ACOX2: variants seen among roughly 807,000 people sequenced by gnomAD.
ACOX2 encodes acyl-CoA oxidase 2, also known as peroxisomal acyl-coenzyme A oxidase 2.
A neutral mutation model predicts 77.5 loss-of-function variants in ACOX2; 59 were observed. The observed-to-expected ratio is 0.76, with a 90% CI of 0.62 to 0.95. The LOEUF (loss-of-function observed/expected upper bound fraction) is 0.95. Among genes scored for constraint, ACOX2 ranks in the 40% least tolerant of loss-of-function variants. The pLI, the probability that ACOX2 is intolerant of heterozygous loss-of-function variation, is 0.00. For missense variants in ACOX2, 837 were observed against 880.4 expected, an observed-to-expected ratio of 0.95 and a Z score of 0.62; for synonymous variants, 317 against 340.1, an observed-to-expected ratio of 0.93 and a Z score of 0.75.
chr3:58,532,959 G>A (rs1356004622), intron 5 of ACOX2, among the ~76,000 whole-genome samples: 1 of 152,168 alleles, frequency 6.6e-6, no homozygotes, highest in Non-Finnish European at 1.5e-5. Context: ...GAGGTACGGC[G>A]TTGGTGGCCT....
chr3:58,528,859 G>C lies in ACOX2; in HGVS notation c.1090C>G (p.Leu364Val), dbSNP rs145470450. 9.1e-5 allele frequency: 147 copies of C among 1,613,808 alleles called. No homozygotes were observed. The highest frequency in any genetic ancestry group is 1.2e-4 in the Non-Finnish European group (141 of 1,179,920). Reference sequence around the variant, plus strand: ...TAGGAGTGCTGGAAGAACTCCAAGAGGCTGACTGCCAGGAAATGGAAGGCA... The same window carrying C: ...TAGGAGTGCTGGAAGAACTCCAAGACGCTGACTGCCAGGAAATGGAAGGCA... ...SYAFHFLAVS[L>V]LEFFQHSYTA... The change falls in exon 9 of 15, where the codon CTC becomes GTC. Residue 364 changes from leucine to valine, a missense_variant. Transcript: ENST00000302819. The surrounding 1 kb of genome is among the most constrained non-coding windows in gnomAD (Gnocchi z 5.6).
rs368058851 is a variant in ACOX2, at chr3:58,515,025, CT to C, written c.1850+2180del. 4.4e-3 allele frequency among the ~76,000 whole-genome samples: 650 copies of C among 147,652 alleles called. 3 individuals are homozygous for C. Among genetic ancestry groups the C allele is most frequent in the African/African-American group, 0.015 (590 of 40,522 alleles). ...GTTTTTGATGATTTAACTGAACAAA[CT>C]TTTTTTTTTTTCTTGAGATGGAGTC... On this transcript the variant is annotated intron_variant, in intron 13 of 14. Coordinates refer to ENST00000302819, the MANE Select transcript of ACOX2 (RefSeq NM_003500.4). This position sits in a 1 kb window ranked among gnomAD's most constrained non-coding sequence, Gnocchi z 4.0.
chr3:58,517,535 G>A (rs776765942), intron 12 of ACOX2, 112 bp from the exon 13 acceptor site: 24 of 890,392 alleles, frequency 2.7e-5, no homozygotes, highest in Admixed American at 2.0e-4. Flanking sequence ...GTGCTTCCCA[G>A]CAGGCTGATG....
rs998906675 is a variant in ACOX2, at chr3:58,523,657, G to A, written c.1526+769C>T. 4.6e-5 allele frequency among the ~76,000 whole-genome samples: 7 copies of A among 151,326 alleles called. No homozygotes were observed. Among genetic ancestry groups the A allele is most frequent in the Admixed American group, 2.0e-4 (3 of 15,146 alleles). On this transcript the variant is annotated intron_variant, in intron 11 of 14. Transcript: ENST00000302819. The surrounding 1 kb of genome is among the most constrained non-coding windows in gnomAD (Gnocchi z 5.3). ...AGAGGTGGGGTTTCACCATGTTGCC[G>A]AAGCTGGTCTCAAACTCCTGAGCTC...
At position 58,523,313 on chromosome 3, in the gene ACOX2, G is replaced by A. The variant is rs1427305851; in HGVS notation, c.1527-712C>T. On this transcript the variant is annotated intron_variant, in intron 11 of 14. Transcript: ENST00000302819. The surrounding 1 kb of genome is among the most constrained non-coding windows in gnomAD (Gnocchi z 5.3). ...AATACCATGACACTTTAATCACCTC[G>A]AGCAGCCTTATCTTCCCCTCCTCAA... 6.6e-6 allele frequency among the ~76,000 whole-genome samples: 1 copy of A among 152,122 alleles called. No individual in the cohort carries two copies. Among genetic ancestry groups the A allele is most frequent in the African/African-American group, 2.4e-5 (1 of 41,414 alleles).
chr3:58,508,890 T>C lies in ACOX2; in HGVS notation c.1983+3A>G, dbSNP rs771014585. The C allele has an allele frequency of 6.2e-7, 1 of 1,614,122 alleles. No homozygotes were observed. Among genetic ancestry groups the C allele is most frequent in the South Asian group, 1.1e-5 (1 of 91,088 alleles). On this transcript the variant is annotated splice_donor_region_variant and intron_variant, in intron 14 of 14. Transcript: ENST00000302819. ...TAATTTATAATGTGTTCCACTCAAC[T>C]ACCTGAGTATTGGTTGGTGACTTCT...
rs765676813 is a variant in ACOX2 at position 58,534,521 on chromosome 3, C to T, written c.162G>A (p.Glu54=). ...ACTCCGGGTAACTGTGGATGATGCTCTCTGCAGAGGACAGAGAACAGAGGG... is the reference window on the plus strand; with the variant it reads ...ACTCCGGGTAACTGTGGATGATGCTTTCTGCAGAGGACAGAGAACAGAGGG... ...AQNTALRRKV[E]SIIHSYPEFS... is the part of the protein sequence containing the mutation. Residue 54 remains glutamate (E), a splice_region_variant and synonymous_variant, in exon 3 of 15, where the codon GAG becomes GAA. Coordinates refer to ENST00000302819, the MANE Select transcript of ACOX2 (RefSeq NM_003500.4). This position sits in a 1 kb window ranked among gnomAD's most constrained non-coding sequence, Gnocchi z 4.8. The T allele has an allele frequency of 1.2e-6, 2 of 1,614,216 alleles. No homozygotes were observed. The highest frequency in any genetic ancestry group is 1.7e-6 in the Non-Finnish European group (2 of 1,180,044).
At chr3:58,511,531 A>G (rs2063287937) in intron 13 of ACOX2, 1 of 187,044 alleles carries the variant, frequency 5.3e-6, no homozygotes, top group African/African-American at 2.4e-5. Context: ...GCAAAAGCTT[A>G]TAACTGCAAT....
intron 14 of ACOX2, among the ~76,000 whole-genome samples, chr3:58,508,370 T>C (rs1440532856): frequency 1.3e-5 from 2 of 152,158 alleles, no homozygotes; most frequent in Non-Finnish European, 1.5e-5. Flanking sequence ...TGCAGCAGCT[T>C]TCTTTGCTCC....
rs778230290 is a variant in ACOX2, at chr3:58,528,975, G to C, written c.993-19C>G. 5 of 1,598,310 alleles carry C rather than the reference G, an allele frequency of 3.1e-6. No homozygotes were observed. In the East Asian group the frequency reaches 1.1e-4, roughly 36 times the overall value. Reference sequence around the variant, plus strand: ...TGGGTCACTGAAGGGAAAAGAACCAGAAGATTTAGATCACTACCTGTTGTG... The same window carrying C: ...TGGGTCACTGAAGGGAAAAGAACCACAAGATTTAGATCACTACCTGTTGTG... On this transcript the variant is annotated intron_variant, in intron 8 of 14. Coordinates refer to ENST00000302819, the MANE Select transcript of ACOX2 (RefSeq NM_003500.4). The surrounding 1 kb of genome is among the most constrained non-coding windows in gnomAD (Gnocchi z 5.6).
At chr3:58,511,353 G>A (rs1158429183) in intron 13 of ACOX2, 3 of 366,140 alleles carry the variant, frequency 8.2e-6, no homozygotes, top group South Asian at 2.4e-5. Flanking sequence ...GCTGGTCCTG[G>A]CTGGATGCTA....
Position 58,505,637 on chromosome 3 carries a change from A to T in ACOX2, c.1984-351T>A, listed in dbSNP as rs534383530. Among the ~76,000 whole-genome samples the T allele has an allele frequency of 6.6e-5, 10 of 152,346 alleles. No individual in the cohort carries two copies. The highest frequency in any genetic ancestry group is 2.4e-4 in the African/African-American group (10 of 41,574). ...GGAACCAGATAGGGATCATATAAGC[A>T]GTATTCTAGGTCCGACTAGGTTATC... On this transcript the variant is annotated intron_variant, in intron 14 of 14. Coordinates refer to ENST00000302819, the MANE Select transcript of ACOX2 (RefSeq NM_003500.4). The surrounding 1 kb of genome is among the most constrained non-coding windows in gnomAD (Gnocchi z 4.4).
intron 14 of ACOX2, among the ~76,000 whole-genome samples, chr3:58,508,559 T>A (rs2063251139): frequency 6.6e-6 from 1 of 152,210 alleles, no homozygotes. Context: ...TTTATCTCCT[T>A]CTTTTTGTTA....
rs1458422195 is a variant in ACOX2, at chr3:58,522,105, G to A, written c.1632+391C>T. ...GTTGAGCACCCAGGTCAGTGCCCAG[G>A]GCAGAGTGGGTGCTCAAATATTTGC... On this transcript the variant is annotated intron_variant, in intron 12 of 14. Coordinates refer to ENST00000302819, the MANE Select transcript of ACOX2 (RefSeq NM_003500.4). The surrounding 1 kb of genome is among the most constrained non-coding windows in gnomAD (Gnocchi z 4.3). Among the ~76,000 whole-genome samples, 2 of 152,176 alleles carry A rather than the reference G, an allele frequency of 1.3e-5. No individual in the cohort carries two copies. Among genetic ancestry groups the A allele is most frequent in the African/African-American group, 4.8e-5 (2 of 41,438 alleles).
At chr3:58,527,173 T>G (rs13434020) in intron 9 of ACOX2, among the ~76,000 whole-genome samples, 37,113 of 151,614 alleles carry the variant, frequency 0.24, 8,355 homozygotes, top group African/African-American at 0.6. Flanking sequence ...GTAGTAGGAG[T>G]TGGGGCCTTC....
At chr3:58,517,618 G>T (rs567371140) in intron 12 of ACOX2, among the ~76,000 whole-genome samples, 195 bp from the exon 13 acceptor site, 144 of 149,398 alleles carry the variant, frequency 9.6e-4, no homozygotes, top group African/African-American at 3.5e-3. Flanking sequence ...TGTGTTGGGG[G>T]GGGGAGCGGG....
At chr3:58,509,762 T>C (rs1347833813) in intron 13 of ACOX2, among the ~76,000 whole-genome samples, 9 of 151,436 alleles carry the variant, frequency 5.9e-5, no homozygotes. Context: ...CCTGCCACCA[T>C]GCCTGGCTGA....
chr3:58,520,133 G>C (rs1402805874), intron 12 of ACOX2, among the ~76,000 whole-genome samples: 1 of 152,230 alleles, frequency 6.6e-6, no homozygotes, highest in African/African-American at 2.4e-5. Context: ...TGTCTAATTT[G>C]GGGGTGGGGG....
rs1383617655 is a variant in ACOX2, at chr3:58,519,657, C to A, written c.1633-2234G>T. 2.0e-5 allele frequency among the ~76,000 whole-genome samples: 3 copies of A among 152,154 alleles called. No homozygotes were observed. The highest frequency in any genetic ancestry group is 4.4e-5 in the Non-Finnish European group (3 of 68,024). On this transcript the variant is annotated intron_variant, in intron 12 of 14. Transcript: ENST00000302819. The surrounding 1 kb of genome is among the most constrained non-coding windows in gnomAD (Gnocchi z 5.0). ...GCTCTGTGGGACTGGGAGTCTTCAG[C>A]TGGGCAGTGACCCGATCCGCTTTCT...
Sources: allele counts gnomAD v4.1 joint callset (sites outside exome capture counted in the v4.1 genomes callset), GRCh38; gene constraint gnomAD v4.1.1; non-coding constraint Gnocchi (gnomAD v3.1); transcripts MANE v1.5; gene names NCBI Gene and HGNC (gene_info 2026-07-23, HGNC 2026-07-21).